The following LCOR variants were observed in gnomAD, a reference collection of about 807,000 sequenced individuals.
The protein encoded by LCOR is ligand dependent nuclear receptor corepressor, also known as ligand-dependent corepressor.
Under a neutral mutation model 64.4 loss-of-function variants are expected in LCOR, and 14 were observed. The ratio of observed to expected loss-of-function variants is 0.22; its 90% CI spans 0.14 to 0.34. The LOEUF is 0.34. LCOR is among the 10% of genes least tolerant of loss of function. LCOR has a pLI of 1.00. For missense variants in LCOR, 1,686 were observed against 1,765.3 expected (o/e 0.96, Z 0.80); for synonymous variants, 643 against 642.5 (o/e 1.00, Z -0.01).
At chr10:96,945,881 C>T (rs1181814846) in intron 5 of LCOR, among the ~76,000 whole-genome samples, 1 of 151,524 alleles carries the variant, frequency 6.6e-6, no homozygotes, top group East Asian at 1.9e-4. Context: ...GTCCTAAGCC[C>T]TTTGTCATAG....
chr10:96,889,868 AT>A (rs2134430856), intron 2 of LCOR, among the ~76,000 whole-genome samples: 1 of 152,292 alleles, frequency 6.6e-6, no homozygotes, highest in South Asian at 2.1e-4. Flanking sequence ...TGCTGTGAAC[AT>A]TCATGTATGA....
chr10:96,903,241 A>T (rs1846672257), intron 2 of LCOR, among the ~76,000 whole-genome samples: 1 of 152,156 alleles, frequency 6.6e-6, no homozygotes, highest in African/African-American at 2.4e-5. Context: ...ACTTATAAAT[A>T]CTGTACACTT....
chr10:96,984,561 G>T lies in LCOR; in HGVS notation c.4101G>T (p.Gly1367=). Residue 1367 remains glycine, a synonymous_variant, in exon 8 of 8, where the codon GGG becomes GGT. Coordinates refer to ENST00000421806, the MANE Select transcript of LCOR (RefSeq NM_001346516.2). ...TTGCCCTGCAAGTGGATGCAGATGG[G>T]TTTCCTGTTAAGCCCAAGAGTACTG... ...PKLALQVDAD[G]FPVKPKSTEG... 1 of 1,614,214 alleles carries T rather than the reference G, an allele frequency of 6.2e-7. No homozygotes were observed. Among genetic ancestry groups the T allele is most frequent in the Non-Finnish European group, 8.5e-7 (1 of 1,180,040 alleles).
intron 4 of LCOR, among the ~76,000 whole-genome samples, chr10:96,920,912 C>G (rs377749666): frequency 4.5e-4 from 69 of 151,984 alleles, no homozygotes; most frequent in African/African-American, 1.6e-3. Flanking sequence ...ATCCTCCTGC[C>G]TCAGCCTCCC....
chr10:96,931,786 G>GAA (rs1312182650), intron 4 of LCOR, among the ~76,000 whole-genome samples: 1 of 152,136 alleles, frequency 6.6e-6, no homozygotes, highest in African/African-American at 2.4e-5. Context: ...GGAAGTAAAA[G>GAA]AAAAATCCTT....
chr10:96,878,520 G>T (rs1846208414), intron 2 of LCOR, among the ~76,000 whole-genome samples: 5 of 152,208 alleles, frequency 3.3e-5, no homozygotes, highest in Admixed American at 3.3e-4. Flanking sequence ...TTTGGTTTAA[G>T]CAACTGAAAG....
intron 2 of LCOR, among the ~76,000 whole-genome samples, chr10:96,838,678 A>T (rs1288883238): frequency 6.6e-6 from 1 of 152,240 alleles, no homozygotes; most frequent in East Asian, 1.9e-4. Flanking sequence ...TTTATGGCTA[A>T]ATAACACTGC....
intron 7 of LCOR, among the ~76,000 whole-genome samples, chr10:96,965,683 AAGAC>A (rs1356886973): frequency 2.3e-4 from 35 of 151,090 alleles, no homozygotes; most frequent in Middle Eastern, 3.4e-3. Context: ...AAAAAAAAAA[AAGAC>A]GGGCTATCTA....
chr10:96,982,701 G>C lies in LCOR; in HGVS notation c.2241G>C (p.Leu747Phe). The change falls in exon 8 of 8, where the codon TTG becomes TTC. Residue 747 changes from leucine (L) to phenylalanine (F), a missense_variant. Transcript: ENST00000421806. Reference sequence around the variant, plus strand: ...AGGAGCTAAATGTCGACCCACTCTTGAAGGAAAGCAGCACTTTTACTGATG... The same window carrying C: ...AGGAGCTAAATGTCGACCCACTCTTCAAGGAAAGCAGCACTTTTACTGATG... ...DTQELNVDPL[L>F]KESSTFTDEN... is the part of the protein sequence containing the mutation. The C allele has an allele frequency of 6.2e-7, 1 of 1,614,136 alleles. No homozygotes were observed. The highest frequency in any genetic ancestry group is 8.5e-7 in the Non-Finnish European group (1 of 1,180,040).
chr10:96,844,433 C>T (rs900924641), intron 2 of LCOR, among the ~76,000 whole-genome samples: 3 of 151,910 alleles, frequency 2.0e-5, no homozygotes, highest in East Asian at 3.9e-4. Context: ...GTCTTTGTTT[C>T]TAATTACTGA....
chr10:96,885,102 C>G (rs1459620906), intron 2 of LCOR, among the ~76,000 whole-genome samples: 2 of 152,194 alleles, frequency 1.3e-5, no homozygotes, highest in African/African-American at 4.8e-5. Flanking sequence ...TGGAAGTTTC[C>G]TGTAAATCTA....
At chr10:96,891,962 A>G (rs1470808956) in intron 2 of LCOR, among the ~76,000 whole-genome samples, 2 of 152,096 alleles carry the variant, frequency 1.3e-5, no homozygotes, top group East Asian at 3.9e-4. Context: ...TGGAAAAGAT[A>G]CTTTGTGTGA....
chr10:96,968,761 C>A (rs1488243237), intron 7 of LCOR, among the ~76,000 whole-genome samples: 1 of 151,952 alleles, frequency 6.6e-6, no homozygotes, highest in African/African-American at 2.4e-5. Context: ...ATGGTGAGAC[C>A]CCATCTCTAC....
chr10:96,963,093 A>G (rs1199947422), intron 7 of LCOR: 2 of 152,200 alleles, frequency 1.3e-5, no homozygotes, highest in Non-Finnish European at 2.9e-5. Flanking sequence ...ACTCAGCCAA[A>G]CAGATTTTAA....
At chr10:96,961,808 T>G (rs983423936) in intron 7 of LCOR, 2 of 151,786 alleles carry the variant, frequency 1.3e-5, no homozygotes, top group Non-Finnish European at 2.9e-5. Context: ...TTTTACCCCC[T>G]CAGAATGAGT....
chr10:96,941,360 C>A (rs1269793312), intron 4 of LCOR, among the ~76,000 whole-genome samples: 2 of 140,994 alleles, frequency 1.4e-5, no homozygotes, highest in East Asian at 2.2e-4. Context: ...GTAGGGGCGG[C>A]CGGGCAGAGG....
intron 2 of LCOR, among the ~76,000 whole-genome samples, chr10:96,894,365 C>T (rs562859147): frequency 5.3e-5 from 8 of 152,194 alleles, no homozygotes; most frequent in Non-Finnish European, 8.8e-5. Flanking sequence ...GCATGAGCCA[C>T]CGCATCCGGC....
intron 7 of LCOR, among the ~76,000 whole-genome samples, chr10:96,954,479 T>A (rs1168443451): frequency 1.3e-5 from 2 of 152,194 alleles, no homozygotes; most frequent in Admixed American, 1.3e-4. Flanking sequence ...GGTTTCAGTT[T>A]TAACACTAGT....
At chr10:96,944,354 A>G in intron 5 of LCOR, 109 bp downstream of exon 5, 1 of 548,102 alleles carries the variant, frequency 1.8e-6, no homozygotes, top group African/African-American at 2.0e-5. Flanking sequence ...TTCTTTATTG[A>G]TATAATTTAT....
Sources: gnomAD v4.1 joint callset for allele counts (sites outside exome capture counted in the v4.1 genomes callset) on GRCh38, gnomAD v4.1.1 for gene constraint, MANE v1.5 for transcripts, NCBI Gene and HGNC (gene_info 2026-07-23, HGNC 2026-07-21) for gene names.